The following LRRC4C variants were observed in gnomAD, a reference collection of about 807,000 sequenced individuals.
The protein encoded by LRRC4C is leucine rich repeat containing 4C, also known as leucine-rich repeat-containing protein 4C.
In LRRC4C, 5 loss-of-function variants were observed where a neutral mutation model predicts 33.6. The ratio of observed to expected loss-of-function variants is 0.15; its 90% CI spans 0.08 to 0.31. The LOEUF is 0.31. LRRC4C is among the 10% of genes least tolerant of loss of function. The pLI, the probability that LRRC4C is intolerant of heterozygous loss-of-function variation, is 1.00. For synonymous variants in LRRC4C, 329 were observed against 302.0 expected (o/e 1.09, Z -0.93); for missense variants, 560 against 796.7 (o/e 0.70, Z 3.58).
chr11:40,407,035 T>A (rs1949988814), intron 3 of LRRC4C, among the ~76,000 whole-genome samples: 1 of 152,108 alleles, frequency 6.6e-6, no homozygotes, highest in Admixed American at 6.6e-5. Context: ...TTTTGTCCTG[T>A]CTTTTACCTA....
intron 3 of LRRC4C, among the ~76,000 whole-genome samples, chr11:40,582,982 C>G (rs1452309828): frequency 6.6e-6 from 1 of 152,152 alleles, no homozygotes; most frequent in Admixed American, 6.6e-5. Context: ...CATCTTTTCT[C>G]CTAGTTATTT....
chr11:40,841,476 GGTTA>G (rs776960140), intron 2 of LRRC4C, among the ~76,000 whole-genome samples: 12 of 152,166 alleles, frequency 7.9e-5, no homozygotes, highest in Non-Finnish European at 1.5e-4. Context: ...GAACTGACAA[GGTTA>G]GTGTCCTTAT....
rs555124424 is a variant in LRRC4C at position 41,076,916 on chromosome 11, C to T, written c.-495-143193G>A. On this transcript the variant is annotated intron_variant, in intron 1 of 6. Transcript: ENST00000528697. ...TGAGGGTACAAGTATTGGGTAAATG[C>T]GCTTGTTACAAATGGGAGAAATTGG... is the stretch of plus-strand genomic sequence containing the variant. Among the ~76,000 whole-genome samples the T allele has an allele frequency of 1.2e-4, 19 of 152,216 alleles. No homozygotes were observed. The South Asian group carries it at 1.7e-3, about 13-fold the overall frequency.
chr11:40,957,986 G>A (rs1031117306), intron 1 of LRRC4C, among the ~76,000 whole-genome samples: 10 of 151,586 alleles, frequency 6.6e-5, no homozygotes, highest in East Asian at 2.0e-4. Context: ...AGGTGATTAC[G>A]TCCTAAGGGT....
chr11:41,156,887 A>G (rs1457180450), intron 1 of LRRC4C, among the ~76,000 whole-genome samples: 1 of 152,074 alleles, frequency 6.6e-6, no homozygotes, highest in Non-Finnish European at 1.5e-5. Flanking sequence ...AACTACCAGG[A>G]ATACAACAGT....
At chr11:41,301,496 A>G (rs1225888542) in intron 1 of LRRC4C, among the ~76,000 whole-genome samples, 3 of 152,170 alleles carry the variant, frequency 2.0e-5, no homozygotes, top group Non-Finnish European at 4.4e-5. Flanking sequence ...TCGTAATGCT[A>G]TCTCTACTTT....
At chr11:40,271,725 A>C (rs1444364887) in intron 4 of LRRC4C, among the ~76,000 whole-genome samples, 8 of 152,134 alleles carry the variant, frequency 5.3e-5, no homozygotes. Flanking sequence ...CTGTCTACCG[A>C]TGTGGGTGAA....
intron 1 of LRRC4C, among the ~76,000 whole-genome samples, chr11:41,197,602 A>AT (rs1056505872): frequency 6.6e-6 from 1 of 151,812 alleles, no homozygotes; most frequent in Admixed American, 6.6e-5. Flanking sequence ...GATAGAGATT[A>AT]TTTTTTCTCC....
At chr11:40,492,869 C>T (rs568823471) in intron 3 of LRRC4C, among the ~76,000 whole-genome samples, 13 of 151,958 alleles carry the variant, frequency 8.6e-5, no homozygotes, top group South Asian at 2.1e-4. Context: ...TGAGAATGAC[C>T]CTATAGGCTT....
intron 1 of LRRC4C, among the ~76,000 whole-genome samples, chr11:40,972,682 A>G (rs1851808421): frequency 6.6e-6 from 1 of 152,096 alleles, no homozygotes; most frequent in South Asian, 2.1e-4. Flanking sequence ...AAGTTGGGAA[A>G]AGCCCCTTAT....
chr11:40,243,665 G>A lies in LRRC4C; in HGVS notation c.-175-2067C>T, dbSNP rs575624899. 6.8e-5 allele frequency among the ~76,000 whole-genome samples: 10 copies of A among 147,370 alleles called. No homozygotes were observed. The Admixed American group carries it at 6.8e-4, about 10-fold the overall frequency. On this transcript the variant is annotated intron_variant, in intron 4 of 6. Transcript: ENST00000528697. Reference sequence around the variant, plus strand: ...TATTATTTTATTTAATCATTTCCTAGACATACGGAAAAAACTTATATCTTT... The same window carrying A: ...TATTATTTTATTTAATCATTTCCTAAACATACGGAAAAAACTTATATCTTT...
intron 2 of LRRC4C, among the ~76,000 whole-genome samples, chr11:40,861,103 AG>A (rs1002374267): frequency 6.6e-6 from 1 of 152,114 alleles, no homozygotes; most frequent in Non-Finnish European, 1.5e-5. Flanking sequence ...AATAACTCTC[AG>A]GGGAAACTAA....
chr11:40,611,099 G>A (rs748483299), intron 3 of LRRC4C, among the ~76,000 whole-genome samples: 2 of 151,854 alleles, frequency 1.3e-5, no homozygotes, highest in Non-Finnish European at 2.9e-5. Context: ...GAAAATGGAA[G>A]CCTCACACTT....
At chr11:40,722,073 C>T (rs760311349) in intron 2 of LRRC4C, among the ~76,000 whole-genome samples, 1 of 152,106 alleles carries the variant, frequency 6.6e-6, no homozygotes, top group Non-Finnish European at 1.5e-5. Flanking sequence ...TTTTTACATC[C>T]ACAAAAAAAT....
rs573910437 is a variant in LRRC4C at position 41,439,332 on chromosome 11, A to T, written c.-496+20099T>A. 6.6e-5 allele frequency among the ~76,000 whole-genome samples: 10 copies of T among 152,286 alleles called. No individual in the cohort carries two copies. The South Asian group carries it at 1.9e-3, about 28-fold the overall frequency. On this transcript the variant is annotated intron_variant, in intron 1 of 6. Coordinates refer to ENST00000528697, the MANE Select transcript of LRRC4C (RefSeq NM_001258419.2). ...CTTTATTATTGTGAATAATGCTGCA[A>T]TATACATACAATTGCAGATATCTTA...
chr11:41,193,513 G>T (rs1946052967), intron 1 of LRRC4C, among the ~76,000 whole-genome samples: 1 of 152,158 alleles, frequency 6.6e-6, no homozygotes, highest in East Asian at 1.9e-4. Context: ...AAGCTAGGAA[G>T]AAGATATTCT....
intron 2 of LRRC4C, among the ~76,000 whole-genome samples, chr11:40,877,194 C>T (rs371394256): frequency 6.6e-5 from 10 of 152,012 alleles, no homozygotes; most frequent in South Asian, 2.1e-4. Context: ...CATTCAGAAG[C>T]GACCTCTTTG....
At chr11:40,592,931 G>T (rs116622457) in intron 3 of LRRC4C, among the ~76,000 whole-genome samples, 2,563 of 152,290 alleles carry the variant, frequency 0.017, 89 homozygotes, top group African/African-American at 0.058. Flanking sequence ...CAGTCTTACT[G>T]AAAACACATT....
At chr11:40,167,897 A>T (rs2135408641) in intron 5 of LRRC4C, among the ~76,000 whole-genome samples, 1 of 152,244 alleles carries the variant, frequency 6.6e-6, no homozygotes, top group East Asian at 1.9e-4. Context: ...ATACAAAATT[A>T]GCCAGTCGTG....
Sources: gnomAD v4.1 joint callset for allele counts (sites outside exome capture counted in the v4.1 genomes callset) on GRCh38, gnomAD v4.1.1 for gene constraint, MANE v1.5 for transcripts, NCBI Gene and HGNC (gene_info 2026-07-23, HGNC 2026-07-21) for gene names.